Variants in CERT1 observed in about 807,000 individuals in gnomAD.
CERT1 encodes the protein ceramide transfer protein.
A neutral mutation model predicts 87.9 loss-of-function variants in CERT1; 31 were observed. The ratio of observed to expected loss-of-function variants is 0.35; its 90% confidence interval spans 0.27 to 0.48. CERT1 has a LOEUF of 0.48. CERT1 is among the 20% of genes least tolerant of loss of function. CERT1 has a pLI of 0.99. For missense variants in CERT1, 487 were observed against 758.0 expected, an observed-to-expected ratio of 0.64 and a Z score of 4.20; for synonymous variants, 289 against 250.9, an observed-to-expected ratio of 1.15 and a Z score of -1.44.
chr5:75,473,810 T>C (rs893689776), intron 2 of CERT1, among the ~76,000 whole-genome samples: 1 of 152,188 alleles, frequency 6.6e-6, no homozygotes, highest in East Asian at 1.9e-4. Context: ...GTATATATAC[T>C]TCAAAAAAGC....
At chr5:75,419,065 T>G (rs1303410991) in intron 6 of CERT1, among the ~76,000 whole-genome samples, 2 of 152,186 alleles carry the variant, frequency 1.3e-5, no homozygotes, top group African/African-American at 4.8e-5. Flanking sequence ...GCATTTACAG[T>G]CTATCAGATT....
chr5:75,471,445 C>T (rs563635555), intron 2 of CERT1, among the ~76,000 whole-genome samples: 1 of 152,184 alleles, frequency 6.6e-6, no homozygotes, highest in East Asian at 1.9e-4. Flanking sequence ...CCCATTATGA[C>T]CTTATGGGAC....
chr5:75,432,404 T>G (rs1561259347), intron 3 of CERT1, among the ~76,000 whole-genome samples: 1 of 152,204 alleles, frequency 6.6e-6, no homozygotes, highest in South Asian at 2.1e-4. Flanking sequence ...TTTTCTGAAT[T>G]TGTTGTAACA....
At position 75,432,858 on chromosome 5, in the gene CERT1, T is replaced by G. The variant is rs911313491; in HGVS notation, c.349-6380A>C. Reference sequence around the variant, plus strand: ...CTTACATTTATGTCTTTAATCCATCTTGAGTTAATTTTTGTACAAGGTGAG... The same window carrying G: ...CTTACATTTATGTCTTTAATCCATCGTGAGTTAATTTTTGTACAAGGTGAG... On this transcript the variant is annotated intron_variant, in intron 3 of 16. Coordinates refer to ENST00000643780, the MANE Select transcript of CERT1 (RefSeq NM_001379029.1). Among the ~76,000 whole-genome samples the G allele has an allele frequency of 2.0e-5, 3 of 152,384 alleles. No individual in the cohort carries two copies. In the East Asian group the frequency reaches 5.8e-4, roughly 29 times the overall value.
intron 2 of CERT1, among the ~76,000 whole-genome samples, chr5:75,502,240 A>G (rs56080648): frequency 0.043 from 6,604 of 152,280 alleles, 180 homozygotes; most frequent in Non-Finnish European, 0.063. Flanking sequence ...ATTTAAAATA[A>G]TAAGATACCA....
intron 2 of CERT1, among the ~76,000 whole-genome samples, chr5:75,470,988 T>C (rs1375442480): frequency 2.6e-5 from 4 of 151,992 alleles, no homozygotes; most frequent in Admixed American, 6.6e-5. Flanking sequence ...CCATTTAGAA[T>C]AGCTACAAAA....
intron 2 of CERT1, among the ~76,000 whole-genome samples, chr5:75,477,371 C>CT (rs995135448): frequency 5.1e-4 from 77 of 151,088 alleles, no homozygotes; most frequent in African/African-American, 1.2e-3. Flanking sequence ...CAGTAATAGT[C>CT]TTTTTTTTTA....
intron 2 of CERT1, among the ~76,000 whole-genome samples, chr5:75,464,085 G>A (rs1042708608): frequency 6.6e-6 from 1 of 152,094 alleles, no homozygotes; most frequent in African/African-American, 2.4e-5. Context: ...TTATGCAAAA[G>A]AAACCATAAA....
At chr5:75,473,842 T>C (rs1044686773) in intron 2 of CERT1, among the ~76,000 whole-genome samples, 54 of 152,154 alleles carry the variant, frequency 3.5e-4, no homozygotes, top group Non-Finnish European at 2.9e-4. Context: ...AATAAATACA[T>C]GTTACATGTC....
intron 2 of CERT1, among the ~76,000 whole-genome samples, chr5:75,462,723 G>A (rs1300670280): frequency 2.0e-5 from 3 of 152,120 alleles, no homozygotes; most frequent in Non-Finnish European, 4.4e-5. Context: ...AAAAGTCATG[G>A]ATGGCCCACG....
At chr5:75,454,633 A>G (rs958818192) in intron 3 of CERT1, among the ~76,000 whole-genome samples, 1 of 152,322 alleles carries the variant, frequency 6.6e-6, no homozygotes, top group East Asian at 1.9e-4. Flanking sequence ...AGATGAGAAG[A>G]GTAGTGGCTG....
rs1229628660 is a variant in CERT1 at position 75,419,381 on chromosome 5, A to G, written c.639T>C (p.Asp213=). The G allele has an allele frequency of 6.2e-7, 1 of 1,613,188 alleles. No homozygotes were observed. The highest frequency in any genetic ancestry group is 2.2e-5 in the East Asian group (1 of 44,820). Reference sequence around the variant, plus strand: ...CGTTGGTACTATGCAAGAAGTCACCATCAGAACGCGTTGTAGGAAAGTCAT... The same window carrying G: ...CGTTGGTACTATGCAAGAAGTCACCGTCAGAACGCGTTGTAGGAAAGTCAT... The part of the protein sequence containing the change: ...DEDDFPTTRS[D]GDFLHSTNGN... Residue 213 remains aspartate, a synonymous_variant, in exon 6 of 17, where the codon GAT becomes GAC. Coordinates refer to ENST00000643780, the MANE Select transcript of CERT1 (RefSeq NM_001379029.1).
chr5:75,384,576 G>C (rs1761710735), intron 14 of CERT1, 66 bp downstream of exon 14: 1 of 1,112,244 alleles, frequency 9.0e-7, no homozygotes, highest in East Asian at 2.4e-5. Flanking sequence ...TTTTACTTTA[G>C]AGAATCTATA....
intron 2 of CERT1, among the ~76,000 whole-genome samples, chr5:75,488,917 T>A (rs116291609): frequency 1.1e-4 from 17 of 152,108 alleles, no homozygotes; most frequent in African/African-American, 3.6e-4. Flanking sequence ...TAAAGAAAAT[T>A]TTTTTCAGAG....
At chr5:75,492,937 A>C (rs1766866007) in intron 2 of CERT1, among the ~76,000 whole-genome samples, 1 of 152,226 alleles carries the variant, frequency 6.6e-6, no homozygotes, top group Non-Finnish European at 1.5e-5. Context: ...CTCCATATCC[A>C]GGGTTTCTGA....
chr5:75,409,603 T>C (rs1246976434), intron 8 of CERT1, among the ~76,000 whole-genome samples: 1 of 152,178 alleles, frequency 6.6e-6, no homozygotes, highest in African/African-American at 2.4e-5. Context: ...CTCAGCTCAC[T>C]GCAACCTCTG....
At chr5:75,440,575 T>C (rs769862403) in intron 3 of CERT1, among the ~76,000 whole-genome samples, 1 of 152,130 alleles carries the variant, frequency 6.6e-6, no homozygotes, top group South Asian at 2.1e-4. Context: ...GAACATGCGA[T>C]AAACTTTCCT....
At chr5:75,491,733 T>C (rs543492194) in intron 2 of CERT1, among the ~76,000 whole-genome samples, 1 of 152,214 alleles carries the variant, frequency 6.6e-6, no homozygotes, top group South Asian at 2.1e-4. Context: ...CTACAAGTAA[T>C]GTTCAAGGTG....
intron 3 of CERT1, among the ~76,000 whole-genome samples, chr5:75,454,401 G>A (rs561757862): frequency 3.3e-4 from 50 of 152,080 alleles, no homozygotes; most frequent in Non-Finnish European, 6.0e-4. Flanking sequence ...TTTTGCTAAT[G>A]ACTTATTACT....
Sources: allele counts gnomAD v4.1 joint callset (sites outside exome capture counted in the v4.1 genomes callset), GRCh38; gene constraint gnomAD v4.1.1; transcripts MANE v1.5; gene names NCBI Gene and HGNC (gene_info 2026-07-23, HGNC 2026-07-21).